Variants in NR1H3 observed in about 807,000 individuals in gnomAD.
NR1H3 encodes the protein oxysterols receptor LXR-alpha.
NR1H3 carries 19 observed loss-of-function variants against 48.1 expected under a neutral mutation model. That is an observed-to-expected ratio of 0.40 (90% CI 0.28 to 0.58). The LOEUF (loss-of-function observed/expected upper bound fraction) is 0.58. Among genes scored for constraint, NR1H3 ranks in the 20% least tolerant of loss-of-function variants. The pLI, the probability that NR1H3 is intolerant of heterozygous loss-of-function variation, is 0.50. For synonymous variants in NR1H3, 232 were observed against 227.3 expected (o/e 1.02, Z -0.19); for missense variants, 486 against 595.9 (o/e 0.82, Z 1.92).
intron 1 of NR1H3, among the ~76,000 whole-genome samples, chr11:47,251,406 G>T (rs1202678444): frequency 6.6e-6 from 1 of 152,012 alleles, no homozygotes; most frequent in Non-Finnish European, 1.5e-5. Flanking sequence ...GAGGTCAGCA[G>T]TTCAAGACCA....
Position 47,261,310 on chromosome 11 carries a change from C to A in NR1H3, c.569C>A (p.Thr190Lys). The A allele has an allele frequency of 6.2e-7, 1 of 1,614,110 alleles. No individual in the cohort carries two copies. The highest frequency in any genetic ancestry group is 8.5e-7 in the Non-Finnish European group (1 of 1,180,028). Residue 190 changes from threonine to lysine, a missense_variant, in exon 5 of 10, where the codon ACA (threonine) becomes AAA (lysine). By Grantham distance (78) the Thr-to-Lys change is moderately conservative (BLOSUM62 -1). Coordinates refer to ENST00000441012, the MANE Select transcript of NR1H3 (RefSeq NM_005693.4). ...KRQEEEQAHA[T>K]SLPPRASSPP... ...CAAGAGGAGGAACAGGCTCATGCCA[C>A]ATCCTTGCCCCCCAGGGCTTCCTCA...
Position 47,268,392 on chromosome 11 carries a change from A to C in NR1H3, c.1197+37A>C, listed in dbSNP as rs548364931. On this transcript the variant is annotated intron_variant, in intron 9 of 9. Transcript: ENST00000441012. ...CATGGTGTTCCTTTTCCTCCTTCCC[A>C]CACACAGGCCCATTCCCTGACATAC... 1.2e-5 allele frequency: 19 copies of C among 1,603,424 alleles called. No homozygotes were observed. The South Asian group carries it at 1.4e-4, about 12-fold the overall frequency.
chr11:47,267,705 C>T (rs1443137463), intron 7 of NR1H3, among the ~76,000 whole-genome samples: 1 of 152,068 alleles, frequency 6.6e-6, no homozygotes, highest in African/African-American at 2.4e-5. Flanking sequence ...GACGGGGTTT[C>T]GCCATGTTGG....
At chr11:47,264,689 C>T (rs1464642858) in intron 7 of NR1H3, among the ~76,000 whole-genome samples, 1 of 152,196 alleles carries the variant, frequency 6.6e-6, no homozygotes, top group African/African-American at 2.4e-5. Flanking sequence ...TGCACCTATT[C>T]ATAGATTTAT....
intron 7 of NR1H3, among the ~76,000 whole-genome samples, chr11:47,265,150 T>G (rs1046077715): frequency 1.3e-5 from 2 of 152,004 alleles, no homozygotes; most frequent in East Asian, 1.9e-4. Flanking sequence ...AAAAATTAGC[T>G]GGGCGTGGTG....
At chr11:47,248,550 C>T, upstream of NR1H3, 5 of 1,551,720 alleles carry the variant, frequency 3.2e-6, no homozygotes, top group Non-Finnish European at 4.4e-6. Context: ...AATCCAGCCT[C>T]CCAACTACCC....
chr11:47,249,141 C>A, intron 1 of NR1H3: 2 of 792,636 alleles, frequency 2.5e-6, no homozygotes, highest in Non-Finnish European at 3.8e-6. Flanking sequence ...GGAGAACCAG[C>A]GTCCCCTCCA....
chr11:47,267,437 T>C (rs1373736699), intron 7 of NR1H3, among the ~76,000 whole-genome samples: 2 of 152,202 alleles, frequency 1.3e-5, no homozygotes, highest in African/African-American at 4.8e-5. Context: ...GGTTCAGATA[T>C]GATTCCCATT....
chr11:47,255,611 C>CTT (rs1565178814), upstream of NR1H3, among the ~76,000 whole-genome samples: 16 of 122,928 alleles, frequency 1.3e-4, no homozygotes, highest in African/African-American at 4.3e-4. Context: ...CTCTCTCTCT[C>CTT]TCTCTCTTTC....
intron 7 of NR1H3, among the ~76,000 whole-genome samples, chr11:47,262,608 G>A (rs1429561461): frequency 2.6e-5 from 4 of 151,866 alleles, no homozygotes; most frequent in African/African-American, 9.7e-5. Flanking sequence ...TCCGCCTCCC[G>A]GGTTCAAGCA....
At chr11:47,248,689 C>T (rs578168521), upstream of NR1H3, 1 of 1,611,654 alleles carries the variant, frequency 6.2e-7, no homozygotes, top group East Asian at 2.2e-5. Context: ...GGTAACGAAG[C>T]GCAGACTCCG....
In NR1H3 at chr11:47,260,086, T is replaced by G. The variant is rs548457932; in HGVS notation, c.232+107T>G. On this transcript the variant is annotated intron_variant, in intron 3 of 9. Coordinates refer to ENST00000441012, the MANE Select transcript of NR1H3 (RefSeq NM_005693.4). Reference sequence around the variant, plus strand: ...CTTTATATATAATCTCATGGTTAAGTTCAGAGGCTTTAGAGCTAACTAAAT... The same window carrying G: ...CTTTATATATAATCTCATGGTTAAGGTCAGAGGCTTTAGAGCTAACTAAAT... 5.6e-6 allele frequency: 6 copies of G among 1,062,602 alleles called. No individual in the cohort carries two copies. The East Asian group carries it at 1.1e-4, about 20-fold the overall frequency. 65.8% of individuals were successfully genotyped at this position (1,062,602 alleles called of 1,614,324 possible). A position where few individuals can be genotyped will look rare whatever the true frequency, so the allele number is the denominator to read the frequency against.
At chr11:47,257,760 T>C, upstream of NR1H3, 1 of 963,194 alleles carries the variant, frequency 1.0e-6, no homozygotes, top group Non-Finnish European at 1.2e-6. Flanking sequence ...GGGAGAGACA[T>C]GGAACTTGGC....
intron 4 of NR1H3, 82 bp from the exon 5 acceptor site, chr11:47,261,159 C>G: frequency 1.2e-6 from 1 of 828,168 alleles, no homozygotes. Flanking sequence ...TTTGCCCCAT[C>G]CTTCCCTCCT....
intron 1 of NR1H3, 127 bp from the exon 2 acceptor site, chr11:47,259,053 A>AT: frequency 6.6e-7 from 1 of 1,507,692 alleles, no homozygotes; most frequent in Non-Finnish European, 8.9e-7. Context: ...AGTACAGGCT[A>AT]ATATATGGCA....
intron 7 of NR1H3, among the ~76,000 whole-genome samples, chr11:47,262,477 G>C (rs1956004225): frequency 6.6e-6 from 1 of 151,894 alleles, no homozygotes; most frequent in Non-Finnish European, 1.5e-5. Context: ...GGGATTACAG[G>C]CGTGAGCCAC....
At chr11:47,264,081 C>A (rs563439085) in intron 7 of NR1H3, among the ~76,000 whole-genome samples, 1 of 152,178 alleles carries the variant, frequency 6.6e-6, no homozygotes, top group Non-Finnish European at 1.5e-5. Flanking sequence ...TTGGGAGCTA[C>A]GCAGAAGGGG....
chr11:47,268,112 G>A (rs576209741), intron 8 of NR1H3, 86 bp downstream of exon 8: 36 of 1,200,694 alleles, frequency 3.0e-5, no homozygotes, highest in Admixed American at 5.5e-5. Context: ...GGGGAGGGGG[G>A]TGGTGGCTTG....
chr11:47,248,956 T>C, exon 1 of NR1H3: 2 of 1,527,558 alleles, frequency 1.3e-6, no homozygotes, highest in Non-Finnish European at 1.7e-6. Flanking sequence ...TGGGATTGCG[T>C]GCAGGAGGGT....
Sources: allele counts gnomAD v4.1 joint callset (sites outside exome capture counted in the v4.1 genomes callset), GRCh38; gene constraint gnomAD v4.1.1; transcripts MANE v1.5; gene names NCBI Gene and HGNC (gene_info 2026-07-23, HGNC 2026-07-21).